The following WFS1 variants were observed in gnomAD, a reference collection of about 807,000 sequenced individuals.
WFS1 encodes the protein wolframin.
Under a neutral mutation model 68.5 loss-of-function variants are expected in WFS1, and 90 were observed. The ratio of observed to expected loss-of-function variants is 1.31; its 90% CI spans 1.11 to 1.56. The LOEUF (loss-of-function observed/expected upper bound fraction) is 1.56, where lower values mean the gene tolerates loss of function less well. Ranked by LOEUF, WFS1 falls within the 40% of genes most tolerant of loss-of-function variation. The probability of loss-of-function intolerance (pLI) is 0.00; values close to 1 mark genes in which losing one functional copy is unlikely to be tolerated. For missense variants in WFS1, 1,767 were observed against 1,232.6 expected, an observed-to-expected ratio of 1.43 and a Z score of -6.49; for synonymous variants, 860 against 540.7, an observed-to-expected ratio of 1.59 and a Z score of -8.19.
rs766111293 is a variant in WFS1 at position 6,301,537 on chromosome 4, G to C, written c.1742G>C (p.Gly581Ala). ...PILVAGLALV[G>A]VLQFARWFTS... ...CTGGTGGCCGGCCTGGCCCTGGTGG[G>C]CGTGCTGCAGTTCGCCCGGTGGTTC... The change falls in exon 8 of 8, where the codon GGC becomes GCC. Residue 581 changes from glycine (G) to alanine (A), a missense_variant. Physicochemically the swap from Gly to Ala is moderately conservative, Grantham distance 60. Coordinates refer to ENST00000226760, the MANE Select transcript of WFS1 (RefSeq NM_006005.3). 1 of 1,614,012 alleles carries C rather than the reference G, an allele frequency of 6.2e-7. No individual in the cohort carries two copies. Among genetic ancestry groups the C allele is most frequent in the South Asian group, 1.1e-5 (1 of 91,084 alleles).
At chr4:6,281,386 C>T (rs1192038607) in intron 2 of WFS1, among the ~76,000 whole-genome samples, 1 of 152,178 alleles carries the variant, frequency 6.6e-6, no homozygotes, top group Admixed American at 6.5e-5. Context: ...AAGCAGGGCC[C>T]TGAGGGTCAG....
In WFS1 at chr4:6,302,947, G is replaced by A; in HGVS notation, c.*479G>A. On this transcript the variant is annotated 3_prime_UTR_variant, in exon 8 of 8. Coordinates refer to ENST00000226760, the MANE Select transcript of WFS1 (RefSeq NM_006005.3). The stretch of plus-strand genomic sequence containing the variant: ...TAGCAGCTCTTCCCCTTTCCTGGGG[G>A]ATGTGCACGGCAGCTTGAGCCTGTC... 5.5e-6 allele frequency: 1 copy of A among 181,294 alleles called. No homozygotes were observed. Among genetic ancestry groups the A allele is most frequent in the South Asian group, 1.2e-4 (1 of 8,660 alleles). 11.2% of individuals were successfully genotyped at this position (181,294 alleles called of 1,614,324 possible).
chr4:6,275,105 A>G (rs1729955687), intron 1 of WFS1, among the ~76,000 whole-genome samples: 1 of 152,240 alleles, frequency 6.6e-6, no homozygotes, highest in Non-Finnish European at 1.5e-5. Context: ...TTCCAGGGCC[A>G]TACGAGAAAC....
chr4:6,286,009 C>T (rs113712395), intron 2 of WFS1, among the ~76,000 whole-genome samples: 1,899 of 152,172 alleles, frequency 0.012, 44 homozygotes, highest in African/African-American at 0.043. Context: ...AATGACTTCC[C>T]AAAAGAAAAG....
At position 6,301,211 on chromosome 4, in the gene WFS1, C is replaced by T; in HGVS notation, c.1416C>T (p.Pro472=). 1 of 1,612,242 alleles carries T rather than the reference C, an allele frequency of 6.2e-7. No homozygotes were observed. Among genetic ancestry groups the T allele is most frequent in the African/African-American group, 1.3e-5 (1 of 75,054 alleles). Residue 472 remains proline (P), a synonymous_variant, in exon 8 of 8, where the codon CCC becomes CCT. Transcript: ENST00000226760. ...EVTAGLLSLL[P]SMPLNWPYLK... is the part of the protein sequence containing the mutation. ...CCGCCGGCCTGCTATCGCTGCTGCC[C>T]TCCATGCCCTTGAATTGGCCCTACC...
Position 6,302,046 on chromosome 4 carries a change from G to T in WFS1, c.2251G>T (p.Glu751Ter). ...ACSPGNTSTA[E>*]EELCRLKLLA... ...CAGCCCTGGCAACACCTCCACGGCC[G>T]AGGAGGAGCTCTGTCGCCTTAAGCT... is the stretch of plus-strand genomic sequence containing the variant. Residue 751 changes from glutamate to a stop codon, truncating the protein, a stop_gained, in exon 8 of 8, where the codon GAG (glutamate) becomes TAG (stop). Coordinates refer to ENST00000226760, the MANE Select transcript of WFS1 (RefSeq NM_006005.3). LOFTEE classifies it high-confidence loss of function. The T allele has an allele frequency of 2.5e-6, 4 of 1,612,802 alleles. No individual in the cohort carries two copies. Among genetic ancestry groups the T allele is most frequent in the Non-Finnish European group, 1.7e-6 (2 of 1,179,978 alleles).
chr4:6,284,925 A>T (rs1730268387), intron 2 of WFS1, among the ~76,000 whole-genome samples: 2 of 150,186 alleles, frequency 1.3e-5, no homozygotes, highest in South Asian at 2.3e-4. Context: ...TCCTCTAGGG[A>T]TAGTGAGTCT....
chr4:6,277,713 G>C, intron 2 of WFS1, 26 bp downstream of exon 2: 1 of 1,549,334 alleles, frequency 6.5e-7, no homozygotes, highest in Non-Finnish European at 8.7e-7. Context: ...GGGAAGCCCA[G>C]GCTGGGGATG....
At chr4:6,298,423 A>C (rs1197021485) in intron 7 of WFS1, among the ~76,000 whole-genome samples, 1 of 152,124 alleles carries the variant, frequency 6.6e-6, no homozygotes, top group Non-Finnish European at 1.5e-5. Context: ...CTCTCTGCTC[A>C]TGTAGAAGGT....
intron 5 of WFS1, 78 bp downstream of exon 5, chr4:6,291,445 C>G: frequency 6.4e-7 from 1 of 1,556,380 alleles, no homozygotes; most frequent in East Asian, 2.3e-5. Flanking sequence ...CCCATAGGGG[C>G]TGGGACCTTC....
intron 6 of WFS1, among the ~76,000 whole-genome samples, chr4:6,292,592 G>A (rs1299438724): frequency 6.6e-6 from 1 of 152,088 alleles, no homozygotes; most frequent in Non-Finnish European, 1.5e-5. Context: ...ACGTGCAGCT[G>A]GCCAGCCTCA....
At chr4:6,282,796 A>G (rs1236663715) in intron 2 of WFS1, among the ~76,000 whole-genome samples, 2 of 152,174 alleles carry the variant, frequency 1.3e-5, no homozygotes, top group Non-Finnish European at 2.9e-5. Flanking sequence ...TCTGCAGAAT[A>G]TCTGCTCAAT....
intron 1 of WFS1, among the ~76,000 whole-genome samples, chr4:6,272,995 C>A (rs1729881959): frequency 6.6e-6 from 1 of 152,226 alleles, no homozygotes. Flanking sequence ...TGTGTGTGAG[C>A]CCCGAGGGCA....
chr4:6,276,077 G>A (rs1019127296), intron 1 of WFS1, among the ~76,000 whole-genome samples: 5 of 152,202 alleles, frequency 3.3e-5, no homozygotes, highest in Admixed American at 2.0e-4. Context: ...GAGACTCTCT[G>A]TTACCAGCCT....
At chr4:6,296,218 TG>T (rs965980047) in intron 7 of WFS1, among the ~76,000 whole-genome samples, 6 of 151,846 alleles carry the variant, frequency 4.0e-5, no homozygotes, top group Admixed American at 6.6e-5. Flanking sequence ...CGCCCTCCGG[TG>T]GGGGGGAAGA....
rs774705820 is a variant in WFS1 at position 6,301,562 on chromosome 4, C to T, written c.1767C>T (p.Phe589=). 1.2e-6 allele frequency: 2 copies of T among 1,614,008 alleles called. No individual in the cohort carries two copies. Among genetic ancestry groups the T allele is most frequent in the Admixed American group, 1.7e-5 (1 of 60,012 alleles). The change falls in exon 8 of 8, where the codon TTC becomes TTT. Residue 589 remains phenylalanine, a synonymous_variant. Transcript: ENST00000226760. ...LVGVLQFARW[F]TSLELTKIAV... is the part of the protein sequence containing the mutation. ...GCGTGCTGCAGTTCGCCCGGTGGTT[C>T]ACGTCTCTGGAGCTCACCAAGATCG...
intron 1 of WFS1, among the ~76,000 whole-genome samples, chr4:6,271,340 C>T (rs1396038149): frequency 6.6e-6 from 1 of 152,192 alleles, no homozygotes; most frequent in Non-Finnish European, 1.5e-5. Context: ...ACCTTCTTTC[C>T]CAGGATGGAA....
chr4:6,270,227 C>T (rs1435391251), intron 1 of WFS1, among the ~76,000 whole-genome samples: 1 of 151,946 alleles, frequency 6.6e-6, no homozygotes, highest in Non-Finnish European at 1.5e-5. Flanking sequence ...GTTCCGGGCC[C>T]GAACGGGTCA....
rs181608089 is a variant in WFS1, at chr4:6,278,129, C to T, written c.232+442C>T. Among the ~76,000 whole-genome samples the T allele has an allele frequency of 2.2e-3, 333 of 152,306 alleles. 1 individual carries two copies. Among genetic ancestry groups the T allele is most frequent in the Admixed American group, 4.6e-3 (70 of 15,300 alleles). Reference sequence around the variant, plus strand: ...CTCCCTGAGGGAGACTTGTGAGGGACGGGCGTCCTTCACCTCCATCCTGAG... The same window carrying T: ...CTCCCTGAGGGAGACTTGTGAGGGATGGGCGTCCTTCACCTCCATCCTGAG... On this transcript the variant is annotated intron_variant, in intron 2 of 7. Coordinates refer to ENST00000226760, the MANE Select transcript of WFS1 (RefSeq NM_006005.3).
Sources: allele counts gnomAD v4.1 joint callset (sites outside exome capture counted in the v4.1 genomes callset), GRCh38; gene constraint gnomAD v4.1.1; transcripts MANE v1.5; gene names NCBI Gene and HGNC (gene_info 2026-07-23, HGNC 2026-07-21).